Variants in WDR45 observed in about 807,000 individuals in gnomAD.
The protein encoded by WDR45 is WD repeat domain 45, also known as WD repeat domain phosphoinositide-interacting protein 4.
Under a neutral mutation model 27.3 loss-of-function variants are expected in WDR45, and 2 were observed. The observed-to-expected ratio is 0.07, with a 90% CI of 0.03 to 0.23. WDR45 has a LOEUF of 0.23. Among genes scored for constraint, WDR45 ranks in the 10% least tolerant of loss-of-function variants. The probability of loss-of-function intolerance (pLI) is 1.00; values close to 1 mark genes in which losing one functional copy is unlikely to be tolerated. For missense variants in WDR45, 175 were observed against 311.9 expected, an observed-to-expected ratio of 0.56 and a Z score of 3.31; for synonymous variants, 99 against 119.2, an observed-to-expected ratio of 0.83 and a Z score of 1.11.
chrX:49,096,859 T>C (rs1557087373), intron 2 of WDR45, among the ~76,000 whole-genome samples: 1 of 112,160 alleles, frequency 8.9e-6, no homozygotes, highest in Admixed American at 9.5e-5. Context: ...GTTCAAGCGA[T>C]TCTCCTGCCT....
rs115768259 is a variant in WDR45, at chrX:49,094,129, C to T, written c.-18+6076G>A. On this transcript the variant is annotated intron_variant, in intron 2 of 11. Transcript: ENST00000356463. ...ATTCATTTTTGTATTACCTCCCAGGCTCAGCATGGTGCCTGAACCTCTATA... is the reference window on the plus strand; with the variant it reads ...ATTCATTTTTGTATTACCTCCCAGGTTCAGCATGGTGCCTGAACCTCTATA... Among the ~76,000 whole-genome samples the T allele has an allele frequency of 3.7e-3, 416 of 111,094 alleles. 4 individuals carry two copies. The highest frequency in any genetic ancestry group is 0.013 in the African/African-American group (386 of 30,582).
Position 49,093,558 on chromosome X carries a change from G to A in WDR45, c.-18+6647C>T, listed in dbSNP as rs1363756386. Among the ~76,000 whole-genome samples, 4 of 103,712 alleles carry A rather than the reference G, an allele frequency of 3.9e-5. No individual in the cohort carries two copies. The Admixed American group carries it at 4.2e-4, about 11-fold the overall frequency. 90.1% of individuals were successfully genotyped at this position (103,712 alleles called of 115,157 possible). On this transcript the variant is annotated intron_variant, in intron 2 of 11. Transcript: ENST00000356463. ...TTTTTTTTTTTTTTTAATGAGTCAGGGTCTCCCTCTGTCACCCACACTGGA... is the reference window on the plus strand; with the variant it reads ...TTTTTTTTTTTTTTTAATGAGTCAGAGTCTCCCTCTGTCACCCACACTGGA...
rs1557084298 is a variant in WDR45, at chrX:49,076,650, A to T, written c.336T>A (p.His112Gln). The change falls in exon 5 of 11, where the codon CAT becomes CAA. Residue 112 changes from histidine (H) to glutamine (Q), a missense_variant. Coordinates refer to ENST00000376372, the MANE Select transcript of WDR45 (RefSeq NM_001029896.2). The stretch of plus-strand genomic sequence containing the variant: ...CCGGTCCTCCTCAGGCTCACTTGTC[A>T]TGGCGCATGCGCACAGAAAGCACTG... ...TKPVLSVRMRHDKIVIVLKNR... is the reference protein window; with the variant it reads ...TKPVLSVRMRQDKIVIVLKNR... The T allele has an allele frequency of 5.8e-6, 7 of 1,208,847 alleles. No homozygotes were observed. Among genetic ancestry groups the T allele is most frequent in the Non-Finnish European group, 7.8e-6 (7 of 894,250 alleles).
chrX:49,089,979 G>A (rs1019746406), intron 2 of WDR45, among the ~76,000 whole-genome samples: 5 of 110,746 alleles, frequency 4.5e-5, no homozygotes, highest in African/African-American at 6.5e-5. Flanking sequence ...TACATTCGTG[G>A]TTTTTAGGAG....
At chrX:49,089,330 G>GA (rs782086976) in intron 2 of WDR45, among the ~76,000 whole-genome samples, 11 of 109,589 alleles carry the variant, frequency 1.0e-4, no homozygotes, top group Admixed American at 2.9e-4. Flanking sequence ...ACACAGGAAA[G>GA]AAAAAAAGAA....
chrX:49,088,363 C>T (rs782371007), intron 2 of WDR45, among the ~76,000 whole-genome samples: 1 of 111,531 alleles, frequency 9.0e-6, no homozygotes, highest in Non-Finnish European at 1.9e-5. Flanking sequence ...GCTGACATCA[C>T]ACCATTGCAC....
At chrX:49,076,042 C>G (rs1405230560) in intron 6 of WDR45, 97 bp from the exon 7 acceptor site, 2 of 758,863 alleles carry the variant, frequency 2.6e-6, no homozygotes, top group East Asian at 6.9e-5. Flanking sequence ...CAACCCTCCA[C>G]GATAAGCTTA....
chrX:49,088,163 G>A (rs781994286), intron 2 of WDR45, among the ~76,000 whole-genome samples: 3 of 111,825 alleles, frequency 2.7e-5, no homozygotes, highest in Admixed American at 9.6e-5. Context: ...CAGCACTTTC[G>A]GAGGGTGAGG....
upstream of WDR45, chrX:49,082,262 G>C (rs1301690250): frequency 1.8e-5 from 2 of 110,503 alleles, no homozygotes; most frequent in African/African-American, 6.6e-5. Context: ...TTGAAGTATT[G>C]TTTTGATGCT....
chrX:49,099,973 G>A (rs1557087899), intron 2 of WDR45, among the ~76,000 whole-genome samples: 1 of 109,290 alleles, frequency 9.1e-6, no homozygotes, highest in Non-Finnish European at 1.9e-5. Context: ...CTAATTAAGG[G>A]AATTTTTTCC....
In WDR45 at chrX:49,077,746, G is replaced by A; in HGVS notation, c.132C>T (p.Asp44=). 1 of 1,200,518 alleles carries A rather than the reference G, an allele frequency of 8.3e-7. No homozygotes were observed. Reference sequence around the variant, plus strand: ...AGCCCATGCTGCCCACCTGCTCGTGGTCTGGACAGGGACCAGGGTGTCAGT... The same window carrying A: ...AGCCCATGCTGCCCACCTGCTCGTGATCTGGACAGGGACCAGGGTGTCAGT... The part of the protein sequence containing the change: ...VEPLMEKGHL[D]HEQVGSMGLV... The change falls in exon 4 of 11, where the codon GAC becomes GAT. Residue 44 remains aspartate (D), a splice_region_variant and synonymous_variant. Coordinates refer to ENST00000376372, the MANE Select transcript of WDR45 (RefSeq NM_001029896.2).
At chrX:49,097,152 T>C (rs987714914) in intron 2 of WDR45, among the ~76,000 whole-genome samples, 43 of 112,165 alleles carry the variant, frequency 3.8e-4, no homozygotes, top group African/African-American at 1.4e-3. Context: ...CCCATTCTTT[T>C]ATTAATAAGC....
At chrX:49,097,716 G>T (rs1602552969) in intron 2 of WDR45, among the ~76,000 whole-genome samples, 1 of 108,243 alleles carries the variant, frequency 9.2e-6, no homozygotes. Flanking sequence ...GAGTACAATG[G>T]CGCAATCTCG....
At chrX:49,082,772 G>A (rs1333724538), upstream of WDR45, among the ~76,000 whole-genome samples, 1 of 110,682 alleles carries the variant, frequency 9.0e-6, no homozygotes. Context: ...GGACTGCAGT[G>A]GCACGATCTC....
intron 2 of WDR45, among the ~76,000 whole-genome samples, chrX:49,095,707 A>G (rs1245816199): frequency 3.3e-5 from 3 of 90,246 alleles, no homozygotes; most frequent in South Asian, 1.2e-3. Context: ...TGATCCGCCC[A>G]CCTTGGCCTC....
At chrX:49,087,033 T>A (rs1443050537) in intron 2 of WDR45, among the ~76,000 whole-genome samples, 2 of 109,757 alleles carry the variant, frequency 1.8e-5, no homozygotes. Context: ...GTATACTGTT[T>A]TTGTTTTTTT....
At chrX:49,099,260 G>T (rs988669895) in intron 2 of WDR45, among the ~76,000 whole-genome samples, 2 of 106,576 alleles carry the variant, frequency 1.9e-5, no homozygotes, top group Non-Finnish European at 3.9e-5. Flanking sequence ...GGAGGCAGAG[G>T]TTGCAGTGAG....
chrX:49,082,413 C>T (rs1308991969), upstream of WDR45, among the ~76,000 whole-genome samples: 2 of 111,260 alleles, frequency 1.8e-5, no homozygotes, highest in East Asian at 5.6e-4. Context: ...TCGTCAATTC[C>T]CATGTATATA....
At chrX:49,091,516 G>A (rs1421983011) in intron 2 of WDR45, among the ~76,000 whole-genome samples, 3 of 105,152 alleles carry the variant, frequency 2.9e-5, no homozygotes, top group Non-Finnish European at 5.9e-5. Flanking sequence ...TTGGGAGGCC[G>A]AGGCGGGTGG....
Sources: gnomAD v4.1 joint callset for allele counts (sites outside exome capture counted in the v4.1 genomes callset) on GRCh38, gnomAD v4.1.1 for gene constraint, MANE v1.5 for transcripts, NCBI Gene and HGNC (gene_info 2026-07-23, HGNC 2026-07-21) for gene names.